The following LRRC28 variants were observed in gnomAD, a reference collection of about 807,000 sequenced individuals.
The protein encoded by LRRC28 is leucine rich repeat containing 28.
Under a neutral mutation model 45.7 loss-of-function variants are expected in LRRC28, and 39 were observed. The observed-to-expected ratio is 0.85, with a 90% CI of 0.66 to 1.12. The LOEUF (loss-of-function observed/expected upper bound fraction) is 1.12. Ranked by LOEUF, LRRC28 falls within the 50% of genes most tolerant of loss-of-function variation. The pLI is 0.00. For missense variants in LRRC28, 435 were observed against 438.5 expected (o/e 0.99, Z 0.07); for synonymous variants, 206 against 178.8 (o/e 1.15, Z -1.22).
At chr15:99,378,238 C>G (rs771396161) in intron 9 of LRRC28, among the ~76,000 whole-genome samples, 18 of 152,142 alleles carry the variant, frequency 1.2e-4, no homozygotes, top group Non-Finnish European at 2.4e-4. Flanking sequence ...GTTTGTAGTT[C>G]TCCTTGAAGA....
At chr15:99,371,171 G>A (rs1254244553) in intron 9 of LRRC28, among the ~76,000 whole-genome samples, 1 of 152,158 alleles carries the variant, frequency 6.6e-6, no homozygotes, top group Non-Finnish European at 1.5e-5. Flanking sequence ...TTACTTCCAA[G>A]TAACTCAAAA....
At chr15:99,262,919 A>C (rs1251723008) in intron 2 of LRRC28, among the ~76,000 whole-genome samples, 1 of 151,946 alleles carries the variant, frequency 6.6e-6, no homozygotes, top group Non-Finnish European at 1.5e-5. Flanking sequence ...CAAAGTGCTG[A>C]GATTACGGTG....
intron 6 of LRRC28, among the ~76,000 whole-genome samples, chr15:99,351,943 A>G (rs1956892719): frequency 6.6e-6 from 1 of 152,218 alleles, no homozygotes; most frequent in Admixed American, 6.5e-5. Context: ...TAAGGAGACA[A>G]TATGTAGTTC....
At chr15:99,292,873 G>A (rs955705681) in intron 5 of LRRC28, among the ~76,000 whole-genome samples, 5 of 152,144 alleles carry the variant, frequency 3.3e-5, no homozygotes, top group African/African-American at 1.2e-4. Context: ...ATTTCCCTAT[G>A]TCCTCAGTCT....
intron 5 of LRRC28, among the ~76,000 whole-genome samples, chr15:99,291,487 T>A (rs544736097): frequency 6.6e-6 from 1 of 152,268 alleles, no homozygotes; most frequent in African/African-American, 2.4e-5. Context: ...CCTAAATGCT[T>A]GATTATGTTT....
rs987268700 is a variant in LRRC28, at chr15:99,388,292, A to G, written c.*2190A>G. 2 of 152,246 alleles carry G rather than the reference A, an allele frequency of 1.3e-5. No individual in the cohort carries two copies. Among genetic ancestry groups the G allele is most frequent in the Non-Finnish European group, 2.9e-5 (2 of 68,038 alleles). The allele number at this position is 152,246 out of a possible 1,614,324, so 9.4% of individuals were successfully genotyped here. The stretch of plus-strand genomic sequence containing the variant: ...CAATCATATGTCATGGAATGGAGCT[A>G]TGAAATGTGCTAACTTGGTATTCAG... On this transcript the variant is annotated 3_prime_UTR_variant, in exon 10 of 10. Coordinates refer to ENST00000301981, the MANE Select transcript of LRRC28 (RefSeq NM_144598.5).
chr15:99,373,026 C>G (rs544214984), intron 9 of LRRC28, among the ~76,000 whole-genome samples: 5 of 152,014 alleles, frequency 3.3e-5, no homozygotes, highest in East Asian at 1.9e-4. Context: ...TAACCACCCC[C>G]CCATGATTTA....
At chr15:99,380,746 C>T (rs1206974688) in intron 9 of LRRC28, among the ~76,000 whole-genome samples, 2 of 152,210 alleles carry the variant, frequency 1.3e-5, no homozygotes, top group Non-Finnish European at 2.9e-5. Context: ...CAAAATCTCT[C>T]AGCATTTGCT....
At chr15:99,350,459 A>G (rs1956843119) in intron 6 of LRRC28, among the ~76,000 whole-genome samples, 1 of 152,246 alleles carries the variant, frequency 6.6e-6, no homozygotes, top group Admixed American at 6.5e-5. Context: ...CAAATTGTCC[A>G]GAACCCATTT....
intron 5 of LRRC28, among the ~76,000 whole-genome samples, chr15:99,307,418 G>T (rs1248299356): frequency 3.3e-5 from 5 of 152,110 alleles, no homozygotes; most frequent in Non-Finnish European, 7.4e-5. Context: ...TAACTGAAGT[G>T]GTCAGAACAT....
At chr15:99,273,484 G>C (rs62023778) in intron 2 of LRRC28, among the ~76,000 whole-genome samples, 1 of 150,096 alleles carries the variant, frequency 6.7e-6, no homozygotes, top group African/African-American at 2.5e-5. Flanking sequence ...TGATCTGCCC[G>C]CCTCGGCCTC....
At position 99,360,514 on chromosome 15, in the gene LRRC28, CT is replaced by C. The variant is rs1957171084; in HGVS notation, c.696-818del. ...TGGAGAGAAAGAACAAATGAAGAAA[CT>C]TTTAAAAAATAAATGAATCAAGGGC... On this transcript the variant is annotated intron_variant, in intron 7 of 9. Coordinates refer to ENST00000301981, the MANE Select transcript of LRRC28 (RefSeq NM_144598.5). Among the ~76,000 whole-genome samples the C allele has an allele frequency of 2.0e-5, 3 of 152,214 alleles. No homozygotes were observed. The South Asian group carries it at 6.2e-4, about 32-fold the overall frequency.
Position 99,386,086 on chromosome 15 carries a change from T to C in LRRC28, c.1088T>C (p.Phe363Ser). ...YCCSTQCLQT[F>S]DLLS is the part of the protein sequence containing the mutation. ...TGCTCCACCCAGTGTCTGCAGACTT[T>C]TGACCTGCTGAGTTGATAAACACTC... The change falls in exon 10 of 10, where the codon TTT becomes TCT. Residue 363 changes from phenylalanine to serine, a missense_variant. Physicochemically the swap from Phe to Ser is radical, Grantham distance 155. Transcript: ENST00000301981. 4 of 1,614,138 alleles carry C rather than the reference T, an allele frequency of 2.5e-6. No homozygotes were observed. Among genetic ancestry groups the C allele is most frequent in the South Asian group, 1.1e-5 (1 of 91,084 alleles).
At chr15:99,334,592 G>T (rs1956264033) in intron 6 of LRRC28, among the ~76,000 whole-genome samples, 1 of 152,088 alleles carries the variant, frequency 6.6e-6, no homozygotes. Context: ...CTTAAAATTG[G>T]CTGAACTTCC....
At chr15:99,280,012 T>G (rs2081738493) in intron 3 of LRRC28, among the ~76,000 whole-genome samples, 1 of 152,180 alleles carries the variant, frequency 6.6e-6, no homozygotes, top group Non-Finnish European at 1.5e-5. Context: ...TGGATAGATA[T>G]GTGGTTTTTA....
At chr15:99,271,293 T>A (rs1046326420) in intron 2 of LRRC28, among the ~76,000 whole-genome samples, 4 of 152,014 alleles carry the variant, frequency 2.6e-5, no homozygotes, top group African/African-American at 9.7e-5. Flanking sequence ...CTATTTTTTT[T>A]TTTTTGAGAT....
chr15:99,286,103 A>G (rs1168387354), intron 3 of LRRC28, among the ~76,000 whole-genome samples: 1 of 152,202 alleles, frequency 6.6e-6, no homozygotes, highest in Non-Finnish European at 1.5e-5. Flanking sequence ...AATTCTATTT[A>G]AAAGTACTTT....
intron 5 of LRRC28, among the ~76,000 whole-genome samples, chr15:99,302,785 C>A (rs1955031660): frequency 6.6e-6 from 1 of 152,150 alleles, no homozygotes; most frequent in South Asian, 2.1e-4. Flanking sequence ...TTTTGACTTT[C>A]CAGAAATTTC....
At chr15:99,290,726 G>A (rs1317798298) in intron 5 of LRRC28, among the ~76,000 whole-genome samples, 3 of 152,124 alleles carry the variant, frequency 2.0e-5, no homozygotes, top group Non-Finnish European at 4.4e-5. Context: ...GAGGCGAGAG[G>A]ATCAGGATCG....
Sources: gnomAD v4.1 joint callset for allele counts (sites outside exome capture counted in the v4.1 genomes callset) on GRCh38, gnomAD v4.1.1 for gene constraint, MANE v1.5 for transcripts, NCBI Gene and HGNC (gene_info 2026-07-23, HGNC 2026-07-21) for gene names.